Variants in RASL12 observed in about 807,000 individuals in gnomAD.
RASL12 encodes RAS like family 12, also known as ras-like protein family member 12.
RASL12 carries 16 observed loss-of-function variants against 22.9 expected under a neutral mutation model. The ratio of observed to expected loss-of-function variants is 0.70; its 90% CI spans 0.47 to 1.06. RASL12 has a LOEUF of 1.06. RASL12 is among the 50% of genes least tolerant of loss of function. The pLI is 0.00. For synonymous variants in RASL12, 159 were observed against 152.2 expected (o/e 1.04, Z -0.33); for missense variants, 306 against 353.1 (o/e 0.87, Z 1.07).
In RASL12 at chr15:65,067,924, G is replaced by C; in HGVS notation, c.-89C>G. The C allele has an allele frequency of 1.5e-6, 2 of 1,325,640 alleles. No individual in the cohort carries two copies. Among genetic ancestry groups the C allele is most frequent in the East Asian group, 3.2e-5 (1 of 30,808 alleles). 82.1% of individuals were successfully genotyped at this position (1,325,640 alleles called of 1,614,324 possible). A position where few individuals can be genotyped will look rare whatever the true frequency, so the allele number is the denominator to read the frequency against. Reference sequence around the variant, plus strand: ...TCGGGGCCCAGGGGAGCGGGATGCAGGCTTCCCTGGAGCGCGCGGCCCCGG... The same window carrying C: ...TCGGGGCCCAGGGGAGCGGGATGCACGCTTCCCTGGAGCGCGCGGCCCCGG... On this transcript the variant is annotated 5_prime_UTR_variant, in exon 1 of 5. Coordinates refer to ENST00000220062, the MANE Select transcript of RASL12 (RefSeq NM_016563.4).
intron 2 of RASL12, among the ~76,000 whole-genome samples, chr15:65,061,932 A>G (rs983919627): frequency 6.6e-6 from 1 of 151,912 alleles, no homozygotes; most frequent in Non-Finnish European, 1.5e-5. Context: ...CACCTGTAGT[A>G]CCAGCTACTC....
chr15:65,073,731 T>C (rs554373285), intron 1 of RASL12, among the ~76,000 whole-genome samples: 173 of 152,306 alleles, frequency 1.1e-3, no homozygotes, highest in African/African-American at 4.0e-3. Flanking sequence ...TCTTCATATA[T>C]GAAATAAGGC....
At chr15:65,051,457 C>T (rs761719010), downstream of RASL12, 55 of 1,534,042 alleles carry the variant, frequency 3.6e-5, no homozygotes, top group Middle Eastern at 1.7e-4. Flanking sequence ...CAGCTGTTAG[C>T]GGGCTTGAGA....
intron 1 of RASL12, among the ~76,000 whole-genome samples, chr15:65,067,197 G>T (rs115946255): frequency 1.3e-5 from 2 of 152,102 alleles, no homozygotes; most frequent in Admixed American, 6.5e-5. Flanking sequence ...CGGGGAGGGG[G>T]TGTGGAGGGG....
downstream of RASL12, chr15:65,053,186 T>A: frequency 2.5e-6 from 4 of 1,612,388 alleles, no homozygotes; most frequent in Non-Finnish European, 3.4e-6. Context: ...AGAAGCCCCA[T>A]CCTAAGCCAG....
intron 4 of RASL12, among the ~76,000 whole-genome samples, chr15:65,057,482 GGAGA>G: frequency 6.6e-6 from 1 of 152,322 alleles, no homozygotes; most frequent in South Asian, 2.1e-4. Context: ...GGGGTCGGCT[GGAGA>G]GAGCGTGCCC....
chr15:65,067,947 C>A lies in RASL12; in HGVS notation c.-112G>T, dbSNP rs374549223. ...CAGGCTTCCCTGGAGCGCGCGGCCC[C>A]GGACCCGTCGGCGTCCGCGCCCTCG... is the stretch of plus-strand genomic sequence containing the variant. On this transcript the variant is annotated 5_prime_UTR_variant, in exon 1 of 5. Coordinates refer to ENST00000220062, the MANE Select transcript of RASL12 (RefSeq NM_016563.4). The A allele has an allele frequency of 2.5e-4, 305 of 1,201,762 alleles. No individual in the cohort carries two copies. In the Middle Eastern group the frequency reaches 4.6e-3, roughly 18 times the overall value. 74.4% of individuals were successfully genotyped at this position (1,201,762 alleles called of 1,614,324 possible).
At chr15:65,047,734 C>A in the RASL12 span, among the ~76,000 whole-genome samples, 1 of 152,046 alleles carries the variant, frequency 6.6e-6, no homozygotes, top group South Asian at 2.1e-4. Context: ...GTAACTTTGT[C>A]TTTCCATGAT....
At chr15:65,067,655 C>G (rs1319450195) in intron 1 of RASL12, 78 bp downstream of exon 1, 1 of 1,460,320 alleles carries the variant, frequency 6.8e-7, no homozygotes, top group African/African-American at 1.5e-5. Flanking sequence ...AGAACCTGCC[C>G]CCAAGAGCAC....
intron 4 of RASL12, among the ~76,000 whole-genome samples, chr15:65,056,215 C>T (rs1194281059): frequency 1.3e-5 from 2 of 152,096 alleles, no homozygotes; most frequent in Non-Finnish European, 2.9e-5. Context: ...TGCCCATTCC[C>T]GAGGATAATG....
At chr15:65,062,639 T>C (rs955892186) in intron 2 of RASL12, among the ~76,000 whole-genome samples, 3 of 152,234 alleles carry the variant, frequency 2.0e-5, no homozygotes, top group African/African-American at 4.8e-5. Flanking sequence ...CTGAAGCTAG[T>C]ACTGTGCTAC....
At position 65,053,848 on chromosome 15, in the gene RASL12, T is replaced by C; in HGVS notation, c.*1051A>G. The C allele has an allele frequency of 2.0e-6, 2 of 985,916 alleles. No homozygotes were observed. The highest frequency in any genetic ancestry group is 2.4e-6 in the Non-Finnish European group (2 of 829,966). 61.1% of individuals were successfully genotyped at this position (985,916 alleles called of 1,614,324 possible). On this transcript the variant is annotated 3_prime_UTR_variant, in exon 5 of 5. Transcript: ENST00000220062. The stretch of plus-strand genomic sequence containing the variant: ...CAAAGGTGTGTCCTGATCCCATGTC[T>C]GAGCCATGGTGTCTTGGTATAAGCT...
downstream of RASL12, among the ~76,000 whole-genome samples, chr15:65,052,208 G>A (rs115327054): frequency 4.6e-3 from 695 of 152,240 alleles, 5 homozygotes; most frequent in African/African-American, 0.016. Context: ...TTTGGAGAAG[G>A]AAACACCTAG....
intron 4 of RASL12, among the ~76,000 whole-genome samples, chr15:65,056,019 C>T (rs1373857634): frequency 4.6e-5 from 7 of 152,044 alleles, no homozygotes; most frequent in East Asian, 1.9e-4. Context: ...ATAGAATATC[C>T]GGAACTTGGG....
upstream of RASL12, among the ~76,000 whole-genome samples, chr15:65,069,009 G>C (rs2086912386): frequency 6.6e-6 from 1 of 152,242 alleles, no homozygotes; most frequent in Admixed American, 6.5e-5. Context: ...CTCCAGGTTA[G>C]AGCAGGGAAA....
At chr15:65,053,018 G>T (rs763251825), downstream of RASL12, 9 of 1,613,712 alleles carry the variant, frequency 5.6e-6, no homozygotes, top group Non-Finnish European at 7.6e-6. Flanking sequence ...CCTGCATTTG[G>T]ATGAGGCCAA....
chr15:65,070,423 T>A (rs1256720617), upstream of RASL12, among the ~76,000 whole-genome samples: 1 of 152,228 alleles, frequency 6.6e-6, no homozygotes, highest in Non-Finnish European at 1.5e-5. Flanking sequence ...AAAGAAGTCA[T>A]AACCGTTTAG....
upstream of RASL12, among the ~76,000 whole-genome samples, chr15:65,068,927 T>G (rs1349615824): frequency 6.6e-6 from 1 of 152,014 alleles, no homozygotes; most frequent in Non-Finnish European, 1.5e-5. This position sits in a 1 kb window ranked among gnomAD's most constrained non-coding sequence, Gnocchi z 4.2. Context: ...AAATAGAGAG[T>G]GACAGAATCA....
intron 4 of RASL12, among the ~76,000 whole-genome samples, chr15:65,057,958 C>T (rs1442232134): frequency 3.9e-5 from 6 of 152,200 alleles, no homozygotes; most frequent in Admixed American, 3.9e-4. Flanking sequence ...GGAAGACCAA[C>T]ATCTACCATA....
Sources: gnomAD v4.1 joint callset for allele counts (sites outside exome capture counted in the v4.1 genomes callset) on GRCh38, gnomAD v4.1.1 for gene constraint, Gnocchi (gnomAD v3.1) non-coding constraint, MANE v1.5 for transcripts, NCBI Gene and HGNC (gene_info 2026-07-23, HGNC 2026-07-21) for gene names.